FBN2: variants seen among roughly 807,000 people sequenced by gnomAD.
The protein encoded by FBN2 is fibrillin-2.
Under a neutral mutation model 355.6 loss-of-function variants are expected in FBN2, and 105 were observed. The observed-to-expected ratio is 0.30, with a 90% CI of 0.25 to 0.35. The LOEUF is 0.35. Ranked by LOEUF, FBN2 falls within the 10% of genes least tolerant of loss-of-function variation. The pLI is 1.00. For synonymous variants in FBN2, 1,350 were observed against 1,301.2 expected, an observed-to-expected ratio of 1.04 and a Z score of -0.81; for missense variants, 3,280 against 3,758.7, an observed-to-expected ratio of 0.87 and a Z score of 3.33.
intron 7 of FBN2, 109 bp downstream of exon 7, chr5:128,446,372 G>A: frequency 8.7e-7 from 1 of 1,145,008 alleles, no homozygotes; most frequent in Non-Finnish European, 1.3e-6. Flanking sequence ...TTTCATAGTA[G>A]ATAAAGAGTT....
intron 31 of FBN2, among the ~76,000 whole-genome samples, chr5:128,333,873 A>AG (rs1750761292): frequency 7.1e-6 from 1 of 140,938 alleles, no homozygotes; most frequent in Non-Finnish European, 1.6e-5. Flanking sequence ...ACACACACAC[A>AG]CACTACTGGC....
intron 12 of FBN2, among the ~76,000 whole-genome samples, chr5:128,378,245 C>A (rs959552462): frequency 6.6e-6 from 1 of 151,992 alleles, no homozygotes; most frequent in Non-Finnish European, 1.5e-5. Context: ...AAGAGTAACA[C>A]AATGAAAACT....
intron 48 of FBN2, 117 bp downstream of exon 48, chr5:128,300,699 GT>G: frequency 2.0e-6 from 2 of 1,025,550 alleles, no homozygotes; most frequent in Non-Finnish European, 3.1e-6. Flanking sequence ...GCAGCTATAT[GT>G]TTAATTCCTT....
At chr5:128,342,929 T>C (rs1751066457) in intron 25 of FBN2, among the ~76,000 whole-genome samples, 2 of 152,054 alleles carry the variant, frequency 1.3e-5, no homozygotes, top group Non-Finnish European at 2.9e-5. Flanking sequence ...GGTTTCTCCA[T>C]GTTGGTCAGG....
At chr5:128,326,236 T>C (rs1024508104) in intron 34 of FBN2, among the ~76,000 whole-genome samples, 1 of 152,200 alleles carries the variant, frequency 6.6e-6, no homozygotes, top group Non-Finnish European at 1.5e-5. Context: ...ATGTGGAAGA[T>C]AGCTGGTTTC....
chr5:128,481,350 C>A (rs1428099217), intron 5 of FBN2, among the ~76,000 whole-genome samples: 1 of 152,178 alleles, frequency 6.6e-6, no homozygotes, highest in Non-Finnish European at 1.5e-5. Context: ...TCATCAATTT[C>A]TGATCAGCCG....
At chr5:128,407,228 T>C (rs967894224) in intron 8 of FBN2, among the ~76,000 whole-genome samples, 7 of 152,150 alleles carry the variant, frequency 4.6e-5, no homozygotes, top group African/African-American at 1.4e-4. Context: ...GCTCCATTCA[T>C]TGGCTGCAAA....
At chr5:128,271,121 C>T (rs1339824676) in intron 62 of FBN2, among the ~76,000 whole-genome samples, 1 of 152,050 alleles carries the variant, frequency 6.6e-6, no homozygotes, top group Admixed American at 6.6e-5. Flanking sequence ...TTTGAGAAGA[C>T]CACAAAGGAT....
chr5:128,378,717 C>G, intron 12 of FBN2, 54 bp downstream of exon 12: 2 of 1,604,538 alleles, frequency 1.2e-6, no homozygotes, highest in Non-Finnish European at 1.7e-6. Flanking sequence ...CCTCAACAGC[C>G]TTGGTCACTA....
At chr5:128,293,670 T>C (rs960660984) in intron 48 of FBN2, among the ~76,000 whole-genome samples, 1 of 152,090 alleles carries the variant, frequency 6.6e-6, no homozygotes, top group East Asian at 1.9e-4. Context: ...CAAGACTGCC[T>C]AATACAAGGA....
At chr5:128,334,537 G>A (rs1010560144) in intron 31 of FBN2, among the ~76,000 whole-genome samples, 182 bp downstream of exon 31, 7 of 151,984 alleles carry the variant, frequency 4.6e-5, no homozygotes, top group Admixed American at 2.6e-4. Flanking sequence ...CTCAGACAGC[G>A]TGCTACCACA....
intron 5 of FBN2, among the ~76,000 whole-genome samples, chr5:128,483,602 C>G (rs1389000136): frequency 2.6e-5 from 4 of 151,744 alleles, no homozygotes; most frequent in Non-Finnish European, 4.4e-5. Flanking sequence ...TGCCCATTTT[C>G]AAGTTCTGAA....
chr5:128,330,230 A>G (rs1476721695), intron 33 of FBN2, among the ~76,000 whole-genome samples: 1 of 152,258 alleles, frequency 6.6e-6, no homozygotes, highest in East Asian at 1.9e-4. Context: ...AGTTACAGGC[A>G]AAAAATGGCA....
rs1410671176 is a variant in FBN2, at chr5:128,279,969, CTA to C, written c.7138+221_7138+222del. Among the ~76,000 whole-genome samples the C allele has an allele frequency of 2.6e-5, 4 of 152,284 alleles. 1 individual carries two copies. The highest frequency in any genetic ancestry group is 1.9e-4 in the East Asian group (1 of 5,182). On this transcript the variant is annotated intron_variant, in intron 56 of 64. Transcript: ENST00000262464. ...TTAATTAATCTTAATTTTGGAAAGA[CTA>C]TTTAAGATTGTTATTTACATTACAC...
chr5:128,460,826 C>A (rs531239108), intron 6 of FBN2, among the ~76,000 whole-genome samples: 1 of 152,098 alleles, frequency 6.6e-6, no homozygotes, highest in African/African-American at 2.4e-5. Flanking sequence ...TGAAACTGGA[C>A]CCCTTCCTTA....
At chr5:128,438,850 C>T (rs1753844245) in intron 7 of FBN2, among the ~76,000 whole-genome samples, 1 of 152,084 alleles carries the variant, frequency 6.6e-6, no homozygotes, top group Non-Finnish European at 1.5e-5. Flanking sequence ...TAGGTTAGGG[C>T]ACTCAATGTG....
intron 7 of FBN2, among the ~76,000 whole-genome samples, chr5:128,418,105 T>G (rs2263510): frequency 0.63 from 95,419 of 151,992 alleles, 32,177 homozygotes; most frequent in African/African-American, 0.88. Context: ...TTTCCAGTTT[T>G]TTAGTTATAC....
intron 20 of FBN2, among the ~76,000 whole-genome samples, chr5:128,351,683 ATATAAT>A (rs1210188146): frequency 6.6e-6 from 1 of 152,136 alleles, no homozygotes; most frequent in Non-Finnish European, 1.5e-5. Flanking sequence ...ATGGTAATTA[ATATAAT>A]TATATCTATT....
At chr5:128,444,506 C>T (rs1013612377) in intron 7 of FBN2, among the ~76,000 whole-genome samples, 1 of 152,178 alleles carries the variant, frequency 6.6e-6, no homozygotes, top group Non-Finnish European at 1.5e-5. Flanking sequence ...AAATTCTAAT[C>T]ACTACTTCTT....
Sources: allele counts gnomAD v4.1 joint callset (sites outside exome capture counted in the v4.1 genomes callset), GRCh38; gene constraint gnomAD v4.1.1; transcripts MANE v1.5; gene names NCBI Gene and HGNC (gene_info 2026-07-23, HGNC 2026-07-21).